ERICH1: variants seen among roughly 807,000 people sequenced by gnomAD.
ERICH1 encodes glutamate-rich protein 1.
In ERICH1, 56 loss-of-function variants were observed where a neutral mutation model predicts 39.6. That is an observed-to-expected ratio of 1.41 (90% confidence interval 1.14 to 1.77). The LOEUF (loss-of-function observed/expected upper bound fraction) is 1.77, where lower values mean the gene tolerates loss of function less well. ERICH1 is among the 40% of genes most tolerant of loss of function. The probability of loss-of-function intolerance (pLI) is 0.00; values close to 1 mark genes in which losing one functional copy is unlikely to be tolerated. For missense variants in ERICH1, 826 were observed against 575.4 expected (o/e 1.44, Z -4.45); for synonymous variants, 313 against 223.6 (o/e 1.40, Z -3.57).
intron 1 of ERICH1, among the ~76,000 whole-genome samples, chr8:717,140 G>C (rs946962053): frequency 1.3e-5 from 2 of 152,174 alleles, no homozygotes; most frequent in African/African-American, 2.4e-5. Context: ...GGCTCCCAGA[G>C]AGTGAGCACA....
chr8:729,268 C>A (rs900974803), intron 1 of ERICH1, among the ~76,000 whole-genome samples: 1 of 152,192 alleles, frequency 6.6e-6, no homozygotes, highest in Non-Finnish European at 1.5e-5. Flanking sequence ...CTTGTGGCAC[C>A]TGCCTCCTCT....
At chr8:677,211 C>T (rs1805048758) in intron 3 of ERICH1, among the ~76,000 whole-genome samples, 1 of 152,242 alleles carries the variant, frequency 6.6e-6, no homozygotes, top group East Asian at 1.9e-4. Context: ...TTCTCTCACC[C>T]TGAAAATACA....
intron 3 of ERICH1, among the ~76,000 whole-genome samples, chr8:678,163 G>A (rs1462622832): frequency 6.6e-6 from 1 of 151,704 alleles, no homozygotes; most frequent in Non-Finnish European, 1.5e-5. Flanking sequence ...AAAAAAAAAA[G>A]AGACTGGACA....
chr8:726,490 A>G (rs1389001919), intron 1 of ERICH1, among the ~76,000 whole-genome samples: 7 of 151,868 alleles, frequency 4.6e-5, no homozygotes, highest in Admixed American at 2.6e-4. Context: ...ACAGGCACAC[A>G]TGCATGCACA....
chr8:731,100 G>T, intron 1 of ERICH1, 40 bp downstream of exon 1: 1 of 1,446,286 alleles, frequency 6.9e-7, no homozygotes, highest in Non-Finnish European at 9.1e-7. Flanking sequence ...CGAGAGCCGG[G>T]TCTGGGGTCT....
At chr8:714,830 G>A (rs1421310667) in intron 2 of ERICH1, among the ~76,000 whole-genome samples, 2 of 150,642 alleles carry the variant, frequency 1.3e-5, no homozygotes, top group African/African-American at 2.4e-5. Flanking sequence ...CTCATCCCAC[G>A]TCTCTCAGTA....
At chr8:703,022 C>T (rs1481144961) in intron 2 of ERICH1, among the ~76,000 whole-genome samples, 1 of 152,228 alleles carries the variant, frequency 6.6e-6, no homozygotes, top group Non-Finnish European at 1.5e-5. Context: ...AAGTCTGCAA[C>T]AATGCACATG....
Position 673,495 on chromosome 8 carries a change from C to A in ERICH1, c.857G>T (p.Gly286Val), listed in dbSNP as rs990840151. 1.9e-6 allele frequency: 3 copies of A among 1,612,852 alleles called. No homozygotes were observed. The highest frequency in any genetic ancestry group is 2.5e-6 in the Non-Finnish European group (3 of 1,179,684). ...CCTGGTGTCTTTACCGTCTTCCTCC[C>A]CGGCCCGTGTCAGGTCTTCCTCAAT... is the stretch of plus-strand genomic sequence containing the variant. ...DTIEEDLTRA[G>V]EEDGKDTREE... Residue 286 changes from glycine to valine, a missense_variant, in exon 4 of 6, where the codon GGG (glycine) becomes GTG (valine). By Grantham distance (109) the Gly-to-Val change is moderately radical. Transcript: ENST00000262109.
chr8:620,754 C>T (rs1248907832), intron 3 of ERICH1, among the ~76,000 whole-genome samples: 1 of 152,158 alleles, frequency 6.6e-6, no homozygotes, highest in Non-Finnish European at 1.5e-5. Context: ...AACCCATATG[C>T]ACCTAACAGT....
chr8:668,095 C>T (rs2131811465), intron 5 of ERICH1: 1 of 195,810 alleles, frequency 5.1e-6, no homozygotes, highest in South Asian at 9.2e-5. Context: ...AATACCCTCA[C>T]CACAGCTTGT....
intron 3 of ERICH1, among the ~76,000 whole-genome samples, chr8:685,828 C>T (rs968901606): frequency 6.6e-6 from 1 of 152,008 alleles, no homozygotes; most frequent in Non-Finnish European, 1.5e-5. Context: ...GTCTCTTCAG[C>T]TTTGGGCAAT....
At chr8:670,996 C>A (rs1478534970) in intron 4 of ERICH1, among the ~76,000 whole-genome samples, 1 of 151,914 alleles carries the variant, frequency 6.6e-6, no homozygotes, top group Non-Finnish European at 1.5e-5. Context: ...CCCACTGGTC[C>A]CCAGGCTCCG....
At chr8:718,724 G>A in intron 1 of ERICH1, among the ~76,000 whole-genome samples, 1 of 152,282 alleles carries the variant, frequency 6.6e-6, no homozygotes, top group East Asian at 1.9e-4. Flanking sequence ...CCAGCCTCAC[G>A]ACCTGAAAGC....
In ERICH1 at chr8:664,482, GAATA is replaced by G. The variant is rs959001897; in HGVS notation, c.*117_*120del. On this transcript the variant is annotated 3_prime_UTR_variant, in exon 6 of 6. Coordinates refer to ENST00000262109, the MANE Select transcript of ERICH1 (RefSeq NM_207332.3). ...TCTTGCCCACCAGGAACAAACACGT[GAATA>G]AATAATATGGCATAAATGTCTTTCA... 1 of 1,328,974 alleles carries G rather than the reference GAATA, an allele frequency of 7.5e-7. No homozygotes were observed. The highest frequency in any genetic ancestry group is 1.5e-5 in the African/African-American group (1 of 68,222). The allele number at this position is 1,328,974 out of a possible 1,614,324, so 82.3% of individuals were successfully genotyped here. A position where few individuals can be genotyped will look rare whatever the true frequency, so the allele number is the denominator to read the frequency against.
At chr8:635,715 G>A (rs558351251) in intron 3 of ERICH1, among the ~76,000 whole-genome samples, 3 of 152,340 alleles carry the variant, frequency 2.0e-5, no homozygotes, top group South Asian at 4.1e-4. Context: ...CTCTAGCAAC[G>A]GGGTGTGAGC....
chr8:617,474 C>G (rs1004879191), intron 3 of ERICH1, among the ~76,000 whole-genome samples: 2 of 152,218 alleles, frequency 1.3e-5, no homozygotes, highest in Non-Finnish European at 2.9e-5. Context: ...GTGCTTGGTG[C>G]TCGGTCTATC....
intron 2 of ERICH1, among the ~76,000 whole-genome samples, chr8:708,700 T>TTG (rs1813994489): frequency 7.4e-6 from 1 of 136,018 alleles, no homozygotes; most frequent in Non-Finnish European, 1.6e-5. Context: ...TTTTTTTTTT[T>TTG]TTTTTTTTTT....
At chr8:662,560 A>G (rs966971383), downstream of ERICH1, among the ~76,000 whole-genome samples, 2 of 152,230 alleles carry the variant, frequency 1.3e-5, no homozygotes, top group Non-Finnish European at 2.9e-5. Context: ...AGGCTGGAGA[A>G]TCGCTTGAAC....
chr8:708,965 G>A (rs1814084484), intron 2 of ERICH1, among the ~76,000 whole-genome samples: 3 of 152,018 alleles, frequency 2.0e-5, no homozygotes, highest in Admixed American at 6.6e-5. Context: ...AAAGTGCTGT[G>A]ATAACAGGGT....
Sources: allele counts gnomAD v4.1 joint callset (sites outside exome capture counted in the v4.1 genomes callset), GRCh38; gene constraint gnomAD v4.1.1; transcripts MANE v1.5; gene names NCBI Gene and HGNC (gene_info 2026-07-23, HGNC 2026-07-21).